Variants in CAMKMT observed in about 807,000 individuals in gnomAD.
CAMKMT encodes CaM KMT.
CAMKMT carries 53 observed loss-of-function variants against 48.0 expected under a neutral mutation model. The ratio of observed to expected loss-of-function variants is 1.10; its 90% CI spans 0.89 to 1.39. The LOEUF (loss-of-function observed/expected upper bound fraction) is 1.39, where lower values mean the gene tolerates loss of function less well. CAMKMT is among the 40% of genes most tolerant of loss of function. The pLI, the probability that CAMKMT is intolerant of heterozygous loss-of-function variation, is 0.00. For missense variants in CAMKMT, 428 were observed against 402.7 expected (o/e 1.06, Z -0.54); for synonymous variants, 165 against 152.3 (o/e 1.08, Z -0.61).
intron 3 of CAMKMT, among the ~76,000 whole-genome samples, chr2:44,564,323 C>T (rs768433511): frequency 6.6e-5 from 10 of 151,076 alleles, no homozygotes; most frequent in East Asian, 2.0e-4. Context: ...TACAGGAGCG[C>T]GCCACTATGC....
At chr2:44,418,835 T>A (rs1683741571) in intron 3 of CAMKMT, among the ~76,000 whole-genome samples, 1 of 152,214 alleles carries the variant, frequency 6.6e-6, no homozygotes, top group Non-Finnish European at 1.5e-5. Context: ...TTGGGGAGAA[T>A]TGACATTTTA....
rs112624004 is a variant in CAMKMT at position 44,584,010 on chromosome 2, A to G, written c.377-120273A>G. On this transcript the variant is annotated intron_variant, in intron 3 of 10. Transcript: ENST00000378494. The stretch of plus-strand genomic sequence containing the variant: ...CCCTCATTCAACATACAGGATATTT[A>G]CATGACCCAGAAAGCTTCCTTTGTG... 3.7e-3 allele frequency among the ~76,000 whole-genome samples: 567 copies of G among 152,322 alleles called. 5 individuals are homozygous for G. Among genetic ancestry groups the G allele is most frequent in the African/African-American group, 0.013 (543 of 41,560 alleles).
intron 3 of CAMKMT, among the ~76,000 whole-genome samples, chr2:44,429,345 A>G (rs1684494770): frequency 6.6e-6 from 1 of 151,950 alleles, no homozygotes; most frequent in Admixed American, 6.6e-5. Flanking sequence ...GTTAATTCAA[A>G]CTAATATTTC....
chr2:44,669,062 C>T (rs1234843675), intron 3 of CAMKMT, among the ~76,000 whole-genome samples: 4 of 152,096 alleles, frequency 2.6e-5, no homozygotes, highest in East Asian at 1.9e-4. Context: ...GAATTACAGG[C>T]GTGAGCCACT....
chr2:44,614,365 C>G (rs1356187841), intron 3 of CAMKMT, among the ~76,000 whole-genome samples: 2 of 152,050 alleles, frequency 1.3e-5, no homozygotes, highest in Admixed American at 1.3e-4. Flanking sequence ...AGAAGTAAAC[C>G]AACAGTAATG....
chr2:44,526,711 C>T (rs371908789), intron 3 of CAMKMT, among the ~76,000 whole-genome samples: 30 of 152,214 alleles, frequency 2.0e-4, no homozygotes, highest in African/African-American at 5.1e-4. Context: ...CTGGCAAGGG[C>T]GATTTTTTTT....
chr2:44,601,273 A>G lies in CAMKMT; in HGVS notation c.377-103010A>G, dbSNP rs1046548381. On this transcript the variant is annotated intron_variant, in intron 3 of 10. Coordinates refer to ENST00000378494, the MANE Select transcript of CAMKMT (RefSeq NM_024766.5). ...GGAGTTTGAGACCAGCCTGACCAAC[A>G]TGGAGAAACCCCATCTCTACTAAAA... Among the ~76,000 whole-genome samples the G allele has an allele frequency of 1.3e-5, 2 of 152,066 alleles. 1 individual carries two copies. Among genetic ancestry groups the G allele is most frequent in the African/African-American group, 4.8e-5 (2 of 41,342 alleles).
chr2:44,549,368 AAAG>A (rs147805737), intron 3 of CAMKMT, among the ~76,000 whole-genome samples: 10,745 of 152,160 alleles, frequency 0.071, 410 homozygotes, highest in African/African-American at 0.081. Context: ...TCCTAAAAAA[AAAG>A]ACCTGAAAAT....
At chr2:44,660,482 T>C (rs1674622531) in intron 3 of CAMKMT, among the ~76,000 whole-genome samples, 1 of 152,220 alleles carries the variant, frequency 6.6e-6, no homozygotes, top group Non-Finnish European at 1.5e-5. Flanking sequence ...TAATTTTTAG[T>C]GGTTTCAAAG....
At chr2:44,385,076 G>A (rs772821593) in intron 2 of CAMKMT, among the ~76,000 whole-genome samples, 1 of 152,114 alleles carries the variant, frequency 6.6e-6, no homozygotes, top group Non-Finnish European at 1.5e-5. Context: ...TTGGCAGTAT[G>A]GTCATTTTCA....
intron 3 of CAMKMT, among the ~76,000 whole-genome samples, chr2:44,457,984 T>A (rs975928237): frequency 6.6e-6 from 1 of 150,904 alleles, no homozygotes; most frequent in African/African-American, 2.4e-5. Context: ...CATTTTGGAG[T>A]CAGATTAATC....
At chr2:44,524,459 G>A (rs1007390328) in intron 3 of CAMKMT, among the ~76,000 whole-genome samples, 7 of 151,944 alleles carry the variant, frequency 4.6e-5, no homozygotes, top group African/African-American at 1.7e-4. Flanking sequence ...TTTGCTAATG[G>A]TCTTCTCCTT....
chr2:44,478,426 G>T (rs887439278), intron 3 of CAMKMT, among the ~76,000 whole-genome samples: 1 of 152,090 alleles, frequency 6.6e-6, no homozygotes, highest in Non-Finnish European at 1.5e-5. Flanking sequence ...TTCATAGTAT[G>T]AGTGCTACTT....
chr2:44,435,123 A>G (rs906677315), intron 3 of CAMKMT, among the ~76,000 whole-genome samples: 2 of 152,206 alleles, frequency 1.3e-5, no homozygotes. Context: ...ACTGCTATTT[A>G]CTAACAGATT....
intron 6 of CAMKMT, 87 bp downstream of exon 6, chr2:44,707,549 G>T: frequency 8.8e-7 from 1 of 1,140,054 alleles, no homozygotes; most frequent in Non-Finnish European, 1.3e-6. Flanking sequence ...AAGACAGCAT[G>T]GGGTATTAAA....
chr2:44,566,775 A>G (rs1202765014), intron 3 of CAMKMT, among the ~76,000 whole-genome samples: 1 of 152,232 alleles, frequency 6.6e-6, no homozygotes, highest in East Asian at 1.9e-4. Context: ...TTATGTAAGA[A>G]TAGTAAGTTA....
rs768291931 is a variant in CAMKMT at position 44,734,225 on chromosome 2, G to A, written c.624-9397G>A. ...TTAATTTCCTCTAAGTACTTCATTCGTGGCATCCCATAAATTTTGATGTGT... is the reference window on the plus strand; with the variant it reads ...TTAATTTCCTCTAAGTACTTCATTCATGGCATCCCATAAATTTTGATGTGT... On this transcript the variant is annotated intron_variant, in intron 7 of 10. Coordinates refer to ENST00000378494, the MANE Select transcript of CAMKMT (RefSeq NM_024766.5). Among the ~76,000 whole-genome samples the A allele has an allele frequency of 7.9e-5, 12 of 151,512 alleles. 1 individual carries two copies. The highest frequency in any genetic ancestry group is 4.6e-4 in the Admixed American group (7 of 15,204).
At chr2:44,537,868 G>A (rs1200083124) in intron 3 of CAMKMT, among the ~76,000 whole-genome samples, 1 of 152,130 alleles carries the variant, frequency 6.6e-6, no homozygotes, top group African/African-American at 2.4e-5. Context: ...GTGTAAATTA[G>A]TACAACCTCT....
At chr2:44,362,201 C>A in intron 1 of CAMKMT, 56 bp downstream of exon 1, 1 of 1,361,538 alleles carries the variant, frequency 7.3e-7, no homozygotes, top group Non-Finnish European at 9.6e-7. Context: ...CTCTCACGTA[C>A]CGGGGGAGCG....
Sources: gnomAD v4.1 joint callset for allele counts (sites outside exome capture counted in the v4.1 genomes callset) on GRCh38, gnomAD v4.1.1 for gene constraint, MANE v1.5 for transcripts, NCBI Gene and HGNC (gene_info 2026-07-23, HGNC 2026-07-21) for gene names.